PECR: variants seen among roughly 807,000 people sequenced by gnomAD.
PECR encodes peroxisomal trans-2-enoyl-CoA reductase, also known as 2,4-dienoyl-CoA reductase-related protein.
In PECR, 30 loss-of-function variants were observed where a neutral mutation model predicts 35.3. The ratio of observed to expected loss-of-function variants is 0.85; its 90% CI spans 0.64 to 1.15. The LOEUF (loss-of-function observed/expected upper bound fraction) is 1.15, where lower values mean the gene tolerates loss of function less well. PECR is among the 50% of genes most tolerant of loss of function. PECR has a pLI of 0.00. For missense variants in PECR, 392 were observed against 370.8 expected (o/e 1.06, Z -0.47); for synonymous variants, 148 against 138.9 (o/e 1.07, Z -0.46).
intron 1 of PECR, among the ~76,000 whole-genome samples, chr2:216,072,111 T>G (rs746848508): frequency 6.6e-6 from 1 of 152,204 alleles, no homozygotes; most frequent in Non-Finnish European, 1.5e-5. Context: ...TTAAATTCTA[T>G]GTGAGGTGAT....
In PECR at chr2:216,079,955, T is replaced by C. The variant is rs1695797523; in HGVS notation, c.124+1663A>G. On this transcript the variant is annotated intron_variant, in intron 1 of 7. Transcript: ENST00000265322. The stretch of plus-strand genomic sequence containing the variant: ...AAGATGGCGCCACTGCACTCCAGCC[T>C]GGGCAACAAGAGCGAAACTCCATCT... Among the ~76,000 whole-genome samples the C allele has an allele frequency of 2.1e-5, 3 of 140,214 alleles. No individual in the cohort carries two copies. The South Asian group carries it at 7.2e-4, about 34-fold the overall frequency. The allele number at this position is 140,214 out of a possible 152,430, so 92.0% of individuals were successfully genotyped here. A position where few individuals can be genotyped will look rare whatever the true frequency, so the allele number is the denominator to read the frequency against.
intron 4 of PECR, among the ~76,000 whole-genome samples, chr2:216,054,968 C>T (rs928662980): frequency 1.3e-5 from 2 of 151,820 alleles, no homozygotes; most frequent in African/African-American, 2.4e-5. Context: ...AAAAGTTAGC[C>T]GGGCATAGTG....
downstream of PECR, among the ~76,000 whole-genome samples, chr2:216,034,477 C>G (rs956157322): frequency 6.6e-6 from 1 of 152,140 alleles, no homozygotes; most frequent in Non-Finnish European, 1.5e-5. Flanking sequence ...CTGCCTGGCC[C>G]TCTCTTTCTT....
chr2:216,068,425 T>C (rs1241491645), intron 1 of PECR, among the ~76,000 whole-genome samples: 1 of 151,816 alleles, frequency 6.6e-6, no homozygotes, highest in Non-Finnish European at 1.5e-5. Context: ...TGGAAAGCAA[T>C]GAAAAAGATG....
chr2:216,043,009 A>G (rs1243953824), intron 7 of PECR, among the ~76,000 whole-genome samples: 1 of 146,746 alleles, frequency 6.8e-6, no homozygotes, highest in African/African-American at 2.5e-5. Context: ...ATATGTGTAT[A>G]TATATATACA....
chr2:216,065,556 G>T, intron 2 of PECR, 79 bp from the exon 3 acceptor site: 1 of 852,908 alleles, frequency 1.2e-6, no homozygotes. Context: ...GATTGCTCTA[G>T]ACAGAGTTTG....
At chr2:216,058,709 CTGGATG>C (rs1695277171) in intron 4 of PECR, among the ~76,000 whole-genome samples, 180 bp downstream of exon 4, 1 of 151,448 alleles carries the variant, frequency 6.6e-6, no homozygotes, top group African/African-American at 2.5e-5. Flanking sequence ...CAGTCCGCAT[CTGGATG>C]AAAATGTTTT....
intron 6 of PECR, among the ~76,000 whole-genome samples, chr2:216,048,097 T>C (rs111817083): frequency 3.3e-5 from 5 of 151,824 alleles, no homozygotes; most frequent in East Asian, 3.9e-4. Flanking sequence ...TTTTTTGAGA[T>C]AGAGTCTTGC....
At chr2:216,056,812 A>G (rs1450032503) in intron 4 of PECR, among the ~76,000 whole-genome samples, 2 of 151,912 alleles carry the variant, frequency 1.3e-5, no homozygotes, top group African/African-American at 2.4e-5. Context: ...TGTTTTGCCT[A>G]TAGACACATA....
chr2:216,053,776 G>A (rs1339206670), intron 4 of PECR, among the ~76,000 whole-genome samples: 1 of 152,088 alleles, frequency 6.6e-6, no homozygotes, highest in Non-Finnish European at 1.5e-5. Context: ...TGTAGAAAAA[G>A]ACCTTCTCTA....
At chr2:216,031,205 G>A (rs920424894) in intron 7 of PECR, among the ~76,000 whole-genome samples, 1 of 151,898 alleles carries the variant, frequency 6.6e-6, no homozygotes, top group Non-Finnish European at 1.5e-5. Context: ...TCAGGAGTTC[G>A]AGACCAGCCT....
intron 7 of PECR, among the ~76,000 whole-genome samples, chr2:216,032,125 C>G (rs1328014780): frequency 6.6e-6 from 1 of 152,166 alleles, no homozygotes; most frequent in East Asian, 1.9e-4. Context: ...GAATCACTTA[C>G]AGAAATGACT....
intron 4 of PECR, among the ~76,000 whole-genome samples, chr2:216,055,650 T>G (rs1160000794): frequency 1.3e-5 from 2 of 151,984 alleles, no homozygotes; most frequent in African/African-American, 4.8e-5. Flanking sequence ...AGTAAAAAGA[T>G]CCTCCAAAGA....
In PECR at chr2:216,051,397, G is replaced by A. The variant is rs1177176488; in HGVS notation, c.603+52C>T. 5 of 1,055,912 alleles carry A rather than the reference G, an allele frequency of 4.7e-6. No homozygotes were observed. The African/African-American group carries it at 7.8e-5, about 16-fold the overall frequency. 65.4% of individuals were successfully genotyped at this position (1,055,912 alleles called of 1,614,324 possible). On this transcript the variant is annotated intron_variant, in intron 5 of 7. Coordinates refer to ENST00000265322, the MANE Select transcript of PECR (RefSeq NM_018441.6). ...AATACCTCTATCAACATCACAAATG[G>A]AATCAGAAAGCATAATTTGTCAATA... is the stretch of plus-strand genomic sequence containing the variant.
At chr2:216,031,764 T>A (rs1255962940) in intron 7 of PECR, among the ~76,000 whole-genome samples, 1 of 152,022 alleles carries the variant, frequency 6.6e-6, no homozygotes. Context: ...ATTCCCCTAA[T>A]GTCCATACCA....
downstream of PECR, among the ~76,000 whole-genome samples, chr2:216,035,966 C>T (rs549291666): frequency 2.0e-4 from 30 of 152,200 alleles, no homozygotes; most frequent in Non-Finnish European, 3.8e-4. Flanking sequence ...GTGGTTTCTG[C>T]GTCACTCCTC....
chr2:216,059,379 C>G (rs1695290217), intron 3 of PECR, among the ~76,000 whole-genome samples: 1 of 152,180 alleles, frequency 6.6e-6, no homozygotes, highest in Non-Finnish European at 1.5e-5. Context: ...ACTTCTTCCA[C>G]TTAGAATCAT....
At chr2:216,034,396 C>G (rs1419253808), downstream of PECR, among the ~76,000 whole-genome samples, 1 of 152,222 alleles carries the variant, frequency 6.6e-6, no homozygotes, top group Non-Finnish European at 1.5e-5. Flanking sequence ...CACAGCCCTG[C>G]TGTCCATCTA....
At chr2:216,049,587 C>T (rs963525187) in intron 5 of PECR, among the ~76,000 whole-genome samples, 9 of 152,188 alleles carry the variant, frequency 5.9e-5, no homozygotes, top group African/African-American at 9.7e-5. Context: ...TTTGTGACCT[C>T]CTCTTCCTCC....
Sources: allele counts gnomAD v4.1 joint callset (sites outside exome capture counted in the v4.1 genomes callset), GRCh38; gene constraint gnomAD v4.1.1; transcripts MANE v1.5; gene names NCBI Gene and HGNC (gene_info 2026-07-23, HGNC 2026-07-21).